Variants in PRSS12 observed in about 807,000 individuals in gnomAD.
PRSS12 encodes the protein neurotrypsin.
Under a neutral mutation model 104.4 loss-of-function variants are expected in PRSS12, and 85 were observed. That is an observed-to-expected ratio of 0.81 (90% confidence interval 0.68 to 0.98). PRSS12 has a LOEUF of 0.98. Ranked by LOEUF, PRSS12 falls within the 50% of genes least tolerant of loss-of-function variation. PRSS12 has a pLI of 0.00. For missense variants in PRSS12, 1,141 were observed against 1,139.2 expected (o/e 1.00, Z -0.02); for synonymous variants, 454 against 425.2 (o/e 1.07, Z -0.83).
intron 8 of PRSS12, among the ~76,000 whole-genome samples, chr4:118,299,737 A>G (rs1267508238): frequency 3.8e-5 from 3 of 78,226 alleles, no homozygotes; most frequent in Non-Finnish European, 8.3e-5. Flanking sequence ...AAAATAAAAT[A>G]AAATAAAATA....
rs147423892 is a variant in PRSS12, at chr4:118,288,229, T to C, written c.2040-5118A>G. Among the ~76,000 whole-genome samples, 863 of 152,334 alleles carry C rather than the reference T, an allele frequency of 5.7e-3. 7 individuals carry two copies. Among genetic ancestry groups the C allele is most frequent in the Middle Eastern group, 0.031 (9 of 294 alleles). ...GACTGAAGTTGTTTATGTAAATGGT[T>C]CCAATTGCTTACAGAGAAGTAAACC... is the stretch of plus-strand genomic sequence containing the variant. On this transcript the variant is annotated intron_variant, in intron 11 of 12. Coordinates refer to ENST00000296498, the MANE Select transcript of PRSS12 (RefSeq NM_003619.4).
At chr4:118,328,060 C>T (rs1723822571) in intron 4 of PRSS12, among the ~76,000 whole-genome samples, 2 of 152,152 alleles carry the variant, frequency 1.3e-5, no homozygotes, top group Non-Finnish European at 2.9e-5. Flanking sequence ...TAAATTGAGA[C>T]AAGCAACAAT....
chr4:118,314,459 C>T (rs1743848404), intron 6 of PRSS12, among the ~76,000 whole-genome samples: 2 of 152,032 alleles, frequency 1.3e-5, no homozygotes, highest in Non-Finnish European at 2.9e-5. Flanking sequence ...AAGCCTAAAT[C>T]GTATATTGCT....
intron 1 of PRSS12, among the ~76,000 whole-genome samples, chr4:118,345,936 C>A (rs1372126194): frequency 6.6e-6 from 1 of 152,234 alleles, no homozygotes; most frequent in African/African-American, 2.4e-5. Context: ...GCTAACTAAT[C>A]TATGTAATCA....
chr4:118,318,492 C>T lies in PRSS12; in HGVS notation c.1036G>A (p.Glu346Lys). 6.2e-7 allele frequency: 1 copy of T among 1,614,134 alleles called. No homozygotes were observed. Among genetic ancestry groups the T allele is most frequent in the Non-Finnish European group, 8.5e-7 (1 of 1,180,008 alleles). ...GEGSGPVMLD[E>K]VRCTGNELSI... is the part of the protein sequence containing the mutation. ...AGCTCATTCCCAGTGCAGCGTACTT[C>T]ATCCAACATAACTGGGCCAGACCCT... The change falls in exon 5 of 13, where the codon GAA becomes AAA. Residue 346 changes from glutamate (E) to lysine (K), a missense_variant. Transcript: ENST00000296498.
Position 118,280,222 on chromosome 4 carries a change from G to A in PRSS12, c.*1714C>T, listed in dbSNP as rs1371232621. 6.6e-6 allele frequency: 1 copy of A among 152,178 alleles called. No homozygotes were observed. The highest frequency in any genetic ancestry group is 2.4e-5 in the African/African-American group (1 of 41,442). The allele number at this position is 152,178 out of a possible 1,614,324, so 9.4% of individuals were successfully genotyped here. ...AGTCCCTGATCTACTTGAAACAGAT[G>A]TTGCTTGCCCCAACACTAGTTTAAT... On this transcript the variant is annotated 3_prime_UTR_variant, in exon 13 of 13. Transcript: ENST00000296498.
chr4:118,319,294 C>T (rs1723545548), intron 4 of PRSS12, among the ~76,000 whole-genome samples: 1 of 152,110 alleles, frequency 6.6e-6, no homozygotes, highest in East Asian at 1.9e-4. Flanking sequence ...TCTTGAAATC[C>T]TGGCCTCAAG....
At chr4:118,334,152 T>C (rs1724004217) in intron 3 of PRSS12, among the ~76,000 whole-genome samples, 1 of 152,206 alleles carries the variant, frequency 6.6e-6, no homozygotes, top group African/African-American at 2.4e-5. Context: ...TCATTTAATC[T>C]ACCACGAGAG....
At chr4:118,332,922 C>T (rs537943818) in intron 3 of PRSS12, among the ~76,000 whole-genome samples, 1 of 152,268 alleles carries the variant, frequency 6.6e-6, no homozygotes, top group East Asian at 1.9e-4. Flanking sequence ...CAGACAGACC[C>T]GGCCCTCAGG....
chr4:118,285,935 G>A (rs1177781316), intron 11 of PRSS12, among the ~76,000 whole-genome samples: 5 of 152,098 alleles, frequency 3.3e-5, no homozygotes, highest in African/African-American at 1.2e-4. Flanking sequence ...TAAACTGGCT[G>A]TATAAATCTA....
At chr4:118,302,033 A>C (rs1004983292) in intron 8 of PRSS12, among the ~76,000 whole-genome samples, 1 of 152,198 alleles carries the variant, frequency 6.6e-6, no homozygotes, top group African/African-American at 2.4e-5. Context: ...AAATTAAAGC[A>C]GTTTAATTTT....
At chr4:118,294,471 G>A (rs1326421464) in intron 11 of PRSS12, among the ~76,000 whole-genome samples, 1 of 152,122 alleles carries the variant, frequency 6.6e-6, no homozygotes. Context: ...TTTGGGACAA[G>A]AAGAAATAAT....
chr4:118,293,101 T>C (rs915081347), intron 11 of PRSS12, among the ~76,000 whole-genome samples: 17 of 151,766 alleles, frequency 1.1e-4, no homozygotes, highest in African/African-American at 4.1e-4. Context: ...TGCACAAATA[T>C]TTACTGAAGT....
intron 7 of PRSS12, among the ~76,000 whole-genome samples, chr4:118,312,278 A>G (rs1258115105): frequency 6.6e-6 from 1 of 152,142 alleles, no homozygotes; most frequent in East Asian, 1.9e-4. Flanking sequence ...GTCTCCAAAC[A>G]GGAGAATACA....
chr4:118,339,127 A>T (rs368206847), intron 1 of PRSS12, among the ~76,000 whole-genome samples: 7 of 152,122 alleles, frequency 4.6e-5, no homozygotes, highest in African/African-American at 1.7e-4. Flanking sequence ...CTTATTCCTT[A>T]AGTGTGGTTC....
chr4:118,340,945 GT>G (rs1329718499), intron 1 of PRSS12, among the ~76,000 whole-genome samples: 16 of 152,106 alleles, frequency 1.1e-4, no homozygotes, highest in Admixed American at 1.0e-3. Flanking sequence ...GTTTTGTTTT[GT>G]TTTTTTCTGG....
chr4:118,343,293 A>G (rs928654104), intron 1 of PRSS12, among the ~76,000 whole-genome samples: 5 of 151,928 alleles, frequency 3.3e-5, no homozygotes, highest in African/African-American at 1.2e-4. Context: ...TACTCAGGCT[A>G]CTAAGGCGGA....
chr4:118,302,972 A>G (rs1743438107), intron 8 of PRSS12, among the ~76,000 whole-genome samples: 3 of 152,230 alleles, frequency 2.0e-5, no homozygotes, highest in Non-Finnish European at 4.4e-5. Context: ...AAATTAATAG[A>G]ATTTGGAAAC....
chr4:118,313,500 G>A, intron 6 of PRSS12, 103 bp from the exon 7 acceptor site: 6 of 1,227,182 alleles, frequency 4.9e-6, no homozygotes, highest in Non-Finnish European at 7.1e-6. Context: ...CATGACTTCA[G>A]AGGATAAGTA....
Sources: allele counts gnomAD v4.1 joint callset (sites outside exome capture counted in the v4.1 genomes callset), GRCh38; gene constraint gnomAD v4.1.1; transcripts MANE v1.5; gene names NCBI Gene and HGNC (gene_info 2026-07-23, HGNC 2026-07-21).